Variants in LOXL2 observed in about 807,000 individuals in gnomAD.
LOXL2 encodes the protein lysyl oxidase like 2.
LOXL2 carries 70 observed loss-of-function variants against 93.0 expected under a neutral mutation model. That is an observed-to-expected ratio of 0.75 (90% CI 0.62 to 0.92). The LOEUF is 0.92. Among genes scored for constraint, LOXL2 ranks in the 40% least tolerant of loss-of-function variants. The probability of loss-of-function intolerance (pLI) is 0.00; values close to 1 mark genes in which losing one functional copy is unlikely to be tolerated. For synonymous variants in LOXL2, 438 were observed against 413.2 expected, an observed-to-expected ratio of 1.06 and a Z score of -0.73; for missense variants, 973 against 1,054.9, an observed-to-expected ratio of 0.92 and a Z score of 1.08.
chr8:23,341,425 A>C, intron 3 of LOXL2: 2 of 574,964 alleles, frequency 3.5e-6, no homozygotes, highest in Admixed American at 3.0e-5. Flanking sequence ...AAAGGACCCA[A>C]CAGGGAGTGG....
At chr8:23,370,403 C>T (rs578058855) in intron 1 of LOXL2, among the ~76,000 whole-genome samples, 7 of 152,276 alleles carry the variant, frequency 4.6e-5, no homozygotes, top group East Asian at 3.9e-4. Flanking sequence ...GCTCTGCCAC[C>T]GGACCCTCAG....
Position 23,380,406 on chromosome 8 carries a change from A to AAAAG in LOXL2, c.-83-11973_-83-11972insCTTT, listed in dbSNP as rs1804665741. On this transcript the variant is annotated intron_variant, in intron 1 of 13. Coordinates refer to ENST00000389131, the MANE Select transcript of LOXL2 (RefSeq NM_002318.3). Reference sequence around the variant, plus strand: ...GACTCCGTCTCAAAAAAAAAAAAAAAAAAAAGACATCTTAATCTGTGGATT... The same window carrying AAAAG: ...GACTCCGTCTCAAAAAAAAAAAAAAAAAAGAAAAAGACATCTTAATCTGTGGATT... Among the ~76,000 whole-genome samples the AAAAG allele has an allele frequency of 3.1e-5, 4 of 128,502 alleles. 1 individual carries two copies. Among genetic ancestry groups the AAAAG allele is most frequent in the Non-Finnish European group, 6.3e-5 (4 of 63,440 alleles). The allele number at this position is 128,502 out of a possible 152,430, so 84.3% of individuals were successfully genotyped here. A position where few individuals can be genotyped will look rare whatever the true frequency, so the allele number is the denominator to read the frequency against.
At chr8:23,403,575 G>C (rs762816441) in intron 1 of LOXL2, among the ~76,000 whole-genome samples, 1 of 152,106 alleles carries the variant, frequency 6.6e-6, no homozygotes, top group African/African-American at 2.4e-5. Context: ...CTCAAAGCCA[G>C]AATTCCGGAG....
At chr8:23,329,983 G>A (rs927558066) in intron 5 of LOXL2, among the ~76,000 whole-genome samples, 2 of 152,188 alleles carry the variant, frequency 1.3e-5, no homozygotes, top group Non-Finnish European at 2.9e-5. Flanking sequence ...GAAGAAAAAA[G>A]GGGAAAACAG....
At chr8:23,349,837 T>C (rs952212863) in intron 3 of LOXL2, among the ~76,000 whole-genome samples, 1 of 151,982 alleles carries the variant, frequency 6.6e-6, no homozygotes, top group Non-Finnish European at 1.5e-5. Flanking sequence ...CCAAACATAT[T>C]TGGAAGGAAC....
intron 9 of LOXL2, among the ~76,000 whole-genome samples, chr8:23,310,337 G>C (rs1175704399): frequency 6.6e-6 from 1 of 152,222 alleles, no homozygotes; most frequent in African/African-American, 2.4e-5. Context: ...GTGCTACCCA[G>C]AGAGAAAGAA....
chr8:23,333,834 G>A (rs912286660), intron 4 of LOXL2, among the ~76,000 whole-genome samples: 2 of 152,168 alleles, frequency 1.3e-5, no homozygotes, highest in Admixed American at 6.5e-5. Context: ...GGACGCAGAG[G>A]GTGGACAAGG....
Position 23,333,498 on chromosome 8 carries a change from G to C in LOXL2, c.869C>G (p.Thr290Ser), listed in dbSNP as rs758619637. ...QVSLDPMKNV[T>S]CENGLPAVVS... ...CACGGCCGGTAGCCCATTCTCGCAGGTGACATTCTTCATGGGGTCCAGTGA... is the reference window on the plus strand; with the variant it reads ...CACGGCCGGTAGCCCATTCTCGCAGCTGACATTCTTCATGGGGTCCAGTGA... The change falls in exon 5 of 14, where the codon ACC (threonine) becomes AGC (serine). Residue 290 changes from threonine to serine, a missense_variant. By Grantham distance (58) the Thr-to-Ser change is moderately conservative (BLOSUM62 1). Transcript: ENST00000389131. 4 of 1,613,992 alleles carry C rather than the reference G, an allele frequency of 2.5e-6. No homozygotes were observed. The East Asian group carries it at 8.9e-5, about 36-fold the overall frequency.
At chr8:23,397,986 GA>G (rs1800113904) in intron 1 of LOXL2, among the ~76,000 whole-genome samples, 2 of 124,232 alleles carry the variant, frequency 1.6e-5, no homozygotes, top group African/African-American at 5.9e-5. Context: ...AAAAAAAAAA[GA>G]AATGTGCTTT....
intron 1 of LOXL2, among the ~76,000 whole-genome samples, chr8:23,368,876 G>A (rs913780911): frequency 6.2e-5 from 9 of 145,498 alleles, no homozygotes; most frequent in Non-Finnish European, 9.3e-5. Flanking sequence ...GGCCCTCACT[G>A]GAGGGTCTCA....
intron 1 of LOXL2, among the ~76,000 whole-genome samples, chr8:23,402,442 A>C (rs1800164648): frequency 6.6e-6 from 1 of 152,220 alleles, no homozygotes; most frequent in Admixed American, 6.5e-5. Context: ...TCCAGGGCAG[A>C]TACTAGGGAC....
chr8:23,399,479 A>G (rs1800131465), intron 1 of LOXL2, among the ~76,000 whole-genome samples: 1 of 152,206 alleles, frequency 6.6e-6, no homozygotes, highest in Admixed American at 6.5e-5. Context: ...TGAATCGGTT[A>G]TCATGGGAAG....
In LOXL2 at chr8:23,302,173, G is replaced by T; in HGVS notation, c.1997-10C>A. 1 of 1,613,848 alleles carries T rather than the reference G, an allele frequency of 6.2e-7. No homozygotes were observed. Among genetic ancestry groups the T allele is most frequent in the African/African-American group, 1.3e-5 (1 of 75,048 alleles). On this transcript the variant is annotated splice_polypyrimidine_tract_variant and intron_variant, in intron 11 of 13. Transcript: ENST00000389131. ...TAATTCTTCTGGATGTCTGCGGGCAGGGTAGAGGAGAGCTCATCACCAGGG... is the reference window on the plus strand; with the variant it reads ...TAATTCTTCTGGATGTCTGCGGGCATGGTAGAGGAGAGCTCATCACCAGGG...
intron 12 of LOXL2, among the ~76,000 whole-genome samples, chr8:23,300,694 G>A (rs1024559879): frequency 5.3e-5 from 8 of 152,216 alleles, no homozygotes; most frequent in Non-Finnish European, 1.0e-4. Flanking sequence ...TATGTCTGGG[G>A]TTGGGTGGCC....
chr8:23,312,079 C>A (rs1482127014), intron 9 of LOXL2, among the ~76,000 whole-genome samples: 1 of 152,228 alleles, frequency 6.6e-6, no homozygotes, highest in Non-Finnish European at 1.5e-5. Flanking sequence ...GACACATACA[C>A]CGTCCCAAGA....
At chr8:23,339,089 C>A (rs900636544) in intron 4 of LOXL2, among the ~76,000 whole-genome samples, 7 of 152,108 alleles carry the variant, frequency 4.6e-5, no homozygotes, top group Non-Finnish European at 8.8e-5. Flanking sequence ...GCCCCGACAG[C>A]CCACCGAGGC....
intron 10 of LOXL2, among the ~76,000 whole-genome samples, chr8:23,308,604 T>A (rs1803269391): frequency 6.6e-6 from 1 of 152,124 alleles, no homozygotes; most frequent in African/African-American, 2.4e-5. Context: ...TCCCTGGACA[T>A]ACAGAGACAG....
intron 2 of LOXL2, chr8:23,365,767 C>A (rs1371783634): frequency 6.6e-6 from 1 of 152,352 alleles, no homozygotes; most frequent in African/African-American, 2.4e-5. Flanking sequence ...TGCTCTGCAC[C>A]CACACACAGC....
At chr8:23,317,138 G>C (rs1467300003) in intron 8 of LOXL2, 24 bp from the exon 9 acceptor site, 1 of 1,611,118 alleles carries the variant, frequency 6.2e-7, no homozygotes, top group East Asian at 2.2e-5. Context: ...CAAAACAAAT[G>C]GTGGGTACAT....
Sources: allele counts gnomAD v4.1 joint callset (sites outside exome capture counted in the v4.1 genomes callset), GRCh38; gene constraint gnomAD v4.1.1; transcripts MANE v1.5; gene names NCBI Gene and HGNC (gene_info 2026-07-23, HGNC 2026-07-21).